The following ZNF594 variants were observed in gnomAD, a reference collection of about 807,000 sequenced individuals.
The protein encoded by ZNF594 is zinc finger protein 594, also known as zinc finger protein HZF18.
For synonymous variants in ZNF594, 336 were observed against 309.4 expected, an observed-to-expected ratio of 1.09 and a Z score of -0.90; for missense variants, 1,037 against 964.6, an observed-to-expected ratio of 1.08 and a Z score of -0.99.
At chr17:5,178,329 T>C (rs766576741), downstream of ZNF594, among the ~76,000 whole-genome samples, 1 of 152,144 alleles carries the variant, frequency 6.6e-6, no homozygotes, top group Non-Finnish European at 1.5e-5. Context: ...GAAAAACATA[T>C]GATTATTTAC....
downstream of ZNF594, among the ~76,000 whole-genome samples, chr17:5,177,391 G>A (rs1165685877): frequency 1.3e-5 from 2 of 151,988 alleles, no homozygotes; most frequent in Non-Finnish European, 2.9e-5. Flanking sequence ...TGACAACAGA[G>A]ATTCAAATAA....
downstream of ZNF594, among the ~76,000 whole-genome samples, chr17:5,175,776 G>C (rs1307706424): frequency 6.6e-6 from 1 of 151,784 alleles, no homozygotes; most frequent in Non-Finnish European, 1.5e-5. Context: ...GCCCCTTGTT[G>C]TCTGTCTGGG....
intron 1 of ZNF594, among the ~76,000 whole-genome samples, chr17:5,189,396 C>T (rs952062980): frequency 5.9e-5 from 9 of 151,788 alleles, no homozygotes; most frequent in Admixed American, 2.0e-4. Context: ...TACAGGCATG[C>T]TGCAGCACAC....
In ZNF594 at chr17:5,181,863, T is replaced by C. The variant is rs369628307; in HGVS notation, c.2394A>G (p.Gln798=). The change falls in exon 2 of 2, where the codon CAA becomes CAG. Residue 798 remains glutamine (Q), a synonymous_variant. Transcript: ENST00000575779. ...ATGTCTCAGAAGGTCTGAGCTCTGA[T>C]TGAGTTTTCCCACATTCTTTACATT... The part of the protein sequence containing the change: ...PYECKECGKT[Q]SELRPSETS 1.2e-5 allele frequency: 20 copies of C among 1,613,892 alleles called. No homozygotes were observed. Among genetic ancestry groups the C allele is most frequent in the African/African-American group, 4.0e-5 (3 of 74,870 alleles).
intron 1 of ZNF594, among the ~76,000 whole-genome samples, chr17:5,190,897 G>A (rs1274651468): frequency 6.6e-6 from 1 of 152,222 alleles, no homozygotes; most frequent in Non-Finnish European, 1.5e-5. Flanking sequence ...AGCTCCTGGG[G>A]ACGCGCTCGG....
chr17:5,183,856 T>C lies in ZNF594; in HGVS notation c.401A>G (p.Lys134Arg). The change falls in exon 2 of 2, where the codon AAA becomes AGA. Residue 134 changes from lysine to arginine, a missense_variant. Coordinates refer to ENST00000575779, the MANE Select transcript of ZNF594 (RefSeq NM_032530.2). ...NKTYECKECEKTFNRSSNLII... is the reference protein window; with the variant it reads ...NKTYECKECERTFNRSSNLII... ...CAGGTTTGAACTCCTGTTGAAGGTT[T>C]TTTCACATTCCTTACATTCATAGGT... 6.2e-7 allele frequency: 1 copy of C among 1,613,794 alleles called. No homozygotes were observed. The highest frequency in any genetic ancestry group is 8.5e-7 in the Non-Finnish European group (1 of 1,179,950).
chr17:5,179,352 C>T (rs912347799), downstream of ZNF594, among the ~76,000 whole-genome samples: 2 of 150,258 alleles, frequency 1.3e-5, no homozygotes, highest in Non-Finnish European at 3.0e-5. Context: ...CTGCACCAAG[C>T]GAGGCTGGGT....
Position 5,182,302 on chromosome 17 carries a change from T to C in ZNF594, c.1955A>G (p.Tyr652Cys), listed in dbSNP as rs770125102. 3.7e-6 allele frequency: 6 copies of C among 1,613,494 alleles called. No individual in the cohort carries two copies. The highest frequency in any genetic ancestry group is 2.2e-5 in the South Asian group (2 of 91,076). ...GGCTTTCCCACATTCACTACATTCATAGGGTTTCTCTCCAGTATGAATACG... is the reference window on the plus strand; with the variant it reads ...GGCTTTCCCACATTCACTACATTCACAGGGTTTCTCTCCAGTATGAATACG... ...HHRIHTGEKPYECSECGKAFS... is the reference protein window; with the variant it reads ...HHRIHTGEKPCECSECGKAFS... The change falls in exon 2 of 2, where the codon TAT becomes TGT. Residue 652 changes from tyrosine to cysteine, a missense_variant. Transcript: ENST00000575779.
At position 5,181,394 on chromosome 17, in the gene ZNF594, C is replaced by A. The variant is rs2074338835; in HGVS notation, c.*439G>T. The A allele has an allele frequency of 6.2e-7, 1 of 1,613,092 alleles. No homozygotes were observed. The highest frequency in any genetic ancestry group is 1.7e-5 in the Admixed American group (1 of 60,004). ...GGAAAGCCCTACCACACTGATTACA[C>A]CAATAAGCTTTCTCTTCTTGGTGAA... On this transcript the variant is annotated 3_prime_UTR_variant, in exon 2 of 2. Coordinates refer to ENST00000575779, the MANE Select transcript of ZNF594 (RefSeq NM_032530.2).
downstream of ZNF594, among the ~76,000 whole-genome samples, chr17:5,178,827 T>C (rs866262111): frequency 6.6e-6 from 1 of 152,100 alleles, no homozygotes; most frequent in Non-Finnish European, 1.5e-5. Flanking sequence ...TGAAATAAAA[T>C]TACGGTACAA....
In ZNF594 at chr17:5,183,903, C is replaced by T. The variant is rs372184600; in HGVS notation, c.354G>A (p.Gln118=). The change falls in exon 2 of 2, where the codon CAG becomes CAA. Residue 118 remains glutamine (Q), a synonymous_variant. Coordinates refer to ENST00000575779, the MANE Select transcript of ZNF594 (RefSeq NM_032530.2). ...AGGTCTTATTTATATTATGAATTTTCTGATGTTCAGTTAATCCTGACTTCT... is the reference window on the plus strand; with the variant it reads ...AGGTCTTATTTATATTATGAATTTTTTGATGTTCAGTTAATCCTGACTTCT... ...FKQKSGLTEH[Q]KIHNINKTYE... 5 of 1,613,300 alleles carry T rather than the reference C, an allele frequency of 3.1e-6. No individual in the cohort carries two copies. Among genetic ancestry groups the T allele is most frequent in the Non-Finnish European group, 4.2e-6 (5 of 1,179,942 alleles).
rs1288857077 is a variant in ZNF594 at position 5,184,084 on chromosome 17, T to C, written c.173A>G (p.His58Arg). 7 of 1,614,216 alleles carry C rather than the reference T, an allele frequency of 4.3e-6. No individual in the cohort carries two copies. Among genetic ancestry groups the C allele is most frequent in the Non-Finnish European group, 5.9e-6 (7 of 1,180,034 alleles). ...WVSPLKDAMRHLPSQESGIRE... is the reference protein window; with the variant it reads ...WVSPLKDAMRRLPSQESGIRE... ...GATACCGCTCTCTTGGGAAGGGAGATGTCTCATTGCATCCTTTAAAGGGCT... is the reference window on the plus strand; with the variant it reads ...GATACCGCTCTCTTGGGAAGGGAGACGTCTCATTGCATCCTTTAAAGGGCT... Residue 58 changes from histidine (H) to arginine (R), a missense_variant, in exon 2 of 2, where the codon CAT becomes CGT. Coordinates refer to ENST00000575779, the MANE Select transcript of ZNF594 (RefSeq NM_032530.2).
At chr17:5,184,891 G>A (rs1018165519) in intron 1 of ZNF594, among the ~76,000 whole-genome samples, 1 of 152,122 alleles carries the variant, frequency 6.6e-6, no homozygotes, top group Non-Finnish European at 1.5e-5. Flanking sequence ...GGGTGGATCT[G>A]GAGTTGAGAG....
At chr17:5,187,378 A>G (rs898261425) in intron 1 of ZNF594, among the ~76,000 whole-genome samples, 12 of 152,228 alleles carry the variant, frequency 7.9e-5, no homozygotes, top group Non-Finnish European at 1.6e-4. Flanking sequence ...TCCCTCCCAC[A>G]ACATATGGGA....
chr17:5,183,572 G>A lies in ZNF594; in HGVS notation c.685C>T (p.His229Tyr). Residue 229 changes from histidine (H) to tyrosine (Y), a missense_variant, in exon 2 of 2, where the codon CAC becomes TAC. By Grantham distance (83) the His-to-Tyr change is moderately conservative. Coordinates refer to ENST00000575779, the MANE Select transcript of ZNF594 (RefSeq NM_032530.2). Reference protein sequence around the residue: ...AFKGSSNLVLHQRIHSRGKPY... With the variant: ...AFKGSSNLVLYQRIHSRGKPY... The stretch of plus-strand genomic sequence containing the variant: ...TTCCCCCTACTGTGGATTCTCTGGT[G>A]CAGGACAAGGTTTGAGCTTCCCTTA... 1 of 1,614,168 alleles carries A rather than the reference G, an allele frequency of 6.2e-7. No individual in the cohort carries two copies. Among genetic ancestry groups the A allele is most frequent in the Non-Finnish European group, 8.5e-7 (1 of 1,180,036 alleles).
At chr17:5,188,118 T>C (rs751422924) in intron 1 of ZNF594, among the ~76,000 whole-genome samples, 11 of 152,068 alleles carry the variant, frequency 7.2e-5, no homozygotes, top group South Asian at 4.2e-4. Flanking sequence ...ACCTTTATTA[T>C]TGGAGAGAAT....
chr17:5,176,256 A>G (rs2074306290), downstream of ZNF594, among the ~76,000 whole-genome samples: 2 of 152,018 alleles, frequency 1.3e-5, no homozygotes, highest in East Asian at 1.9e-4. Flanking sequence ...TTAGCCAGGC[A>G]TGGTGGTGCA....
intron 1 of ZNF594, among the ~76,000 whole-genome samples, chr17:5,186,969 T>C (rs1235803869): frequency 6.6e-6 from 1 of 152,236 alleles, no homozygotes; most frequent in Non-Finnish European, 1.5e-5. Flanking sequence ...AGTTCCAAAC[T>C]TTCCCACATT....
chr17:5,181,000 G>T lies in ZNF594; in HGVS notation c.*833C>A. ...TCTTCAAATTCCTTTCCAATGTGAA[G>T]TTTCTGGTGCTTAAGAAAAGCTGTC... On this transcript the variant is annotated 3_prime_UTR_variant, in exon 2 of 2. Coordinates refer to ENST00000575779, the MANE Select transcript of ZNF594 (RefSeq NM_032530.2). 2.6e-6 allele frequency: 2 copies of T among 771,704 alleles called. No individual in the cohort carries two copies. The highest frequency in any genetic ancestry group is 4.5e-6 in the Non-Finnish European group (2 of 445,076). 47.8% of individuals were successfully genotyped at this position (771,704 alleles called of 1,614,324 possible).
Sources: allele counts gnomAD v4.1 joint callset (sites outside exome capture counted in the v4.1 genomes callset), GRCh38; gene constraint gnomAD v4.1.1; transcripts MANE v1.5; gene names NCBI Gene and HGNC (gene_info 2026-07-23, HGNC 2026-07-21).